The following COQ9 variants were observed in gnomAD, a reference collection of about 807,000 sequenced individuals.
The protein encoded by COQ9 is coenzyme Q9, also known as ubiquinone biosynthesis protein COQ9, mitochondrial.
COQ9 carries 35 observed loss-of-function variants against 42.4 expected under a neutral mutation model. That is an observed-to-expected ratio of 0.83 (90% CI 0.63 to 1.10). COQ9 has a LOEUF of 1.10. Ranked by LOEUF, COQ9 falls within the 50% of genes least tolerant of loss-of-function variation. The pLI, the probability that COQ9 is intolerant of heterozygous loss-of-function variation, is 0.00. For missense variants in COQ9, 406 were observed against 414.6 expected, an observed-to-expected ratio of 0.98 and a Z score of 0.18; for synonymous variants, 155 against 155.1, an observed-to-expected ratio of 1.00 and a Z score of 0.00.
chr16:57,453,710 G>A (rs755837827), intron 3 of COQ9: 12 of 152,734 alleles, frequency 7.9e-5, no homozygotes, highest in East Asian at 1.9e-4. Flanking sequence ...TGAAATGTGG[G>A]TGCTCTGACT....
At chr16:57,458,386 A>G in intron 6 of COQ9, 36 bp downstream of exon 6, 1 of 1,456,244 alleles carries the variant, frequency 6.9e-7, no homozygotes, top group Non-Finnish European at 9.6e-7. Flanking sequence ...GAGGCTGGGA[A>G]AGGCTTGTGT....
At chr16:57,459,156 C>T (rs1382340861) in intron 6 of COQ9, among the ~76,000 whole-genome samples, 1 of 152,212 alleles carries the variant, frequency 6.6e-6, no homozygotes, top group Non-Finnish European at 1.5e-5. Context: ...GAGCCTCTCT[C>T]AGCCCTCACT....
At chr16:57,459,857 C>A in intron 7 of COQ9, 137 bp downstream of exon 7, 1 of 1,131,436 alleles carries the variant, frequency 8.8e-7, no homozygotes, top group Non-Finnish European at 1.3e-6. Flanking sequence ...GGTTCTTCCT[C>A]AGGCCAGCCC....
At chr16:57,450,967 A>G (rs1471145032) in intron 1 of COQ9, 73 bp from the exon 2 acceptor site, 1 of 1,536,102 alleles carries the variant, frequency 6.5e-7, no homozygotes, top group Non-Finnish European at 8.9e-7. Flanking sequence ...CCTCCTCCTT[A>G]TCTGTGTTAC....
At chr16:57,455,000 T>A (rs2030369731) in intron 3 of COQ9, among the ~76,000 whole-genome samples, 1 of 152,132 alleles carries the variant, frequency 6.6e-6, no homozygotes, top group Admixed American at 6.5e-5. Context: ...AAATGCTCAT[T>A]TTGGCTGCCA....
chr16:57,454,036 T>C (rs1428730429), intron 3 of COQ9: 2 of 152,198 alleles, frequency 1.3e-5, no homozygotes, highest in African/African-American at 4.8e-5. Context: ...GTAAGTGCTA[T>C]CAAGGAAAGG....
In COQ9 at chr16:57,461,172, G is replaced by T. The variant is rs780726490; in HGVS notation, c.*548G>T. ...TGAGACAAGTGCCTGCTGGACAGAG[G>T]TGTGATTCCAGGCCTGGTGTCACAT... On this transcript the variant is annotated 3_prime_UTR_variant, in exon 9 of 9. Coordinates refer to ENST00000262507, the MANE Select transcript of COQ9 (RefSeq NM_020312.4). 6 of 455,766 alleles carry T rather than the reference G, an allele frequency of 1.3e-5. No homozygotes were observed. The highest frequency in any genetic ancestry group is 8.0e-5 in the African/African-American group (4 of 50,068). 28.2% of individuals were successfully genotyped at this position (455,766 alleles called of 1,614,324 possible). A position where few individuals can be genotyped will look rare whatever the true frequency, so the allele number is the denominator to read the frequency against.
At chr16:57,457,086 CAGA>C (rs1241759995) in intron 5 of COQ9, 71 bp downstream of exon 5, 20 of 1,185,756 alleles carry the variant, frequency 1.7e-5, no homozygotes, top group Non-Finnish European at 2.5e-5. Flanking sequence ...ACCTTTCACT[CAGA>C]TGACTTTGTA....
intron 3 of COQ9, among the ~76,000 whole-genome samples, chr16:57,455,885 C>T (rs1287151458): frequency 1.3e-5 from 2 of 151,888 alleles, no homozygotes; most frequent in African/African-American, 4.8e-5. Context: ...TGAGGCCAAC[C>T]TGGGCAATAT....
chr16:57,459,791 C>A (rs2030489544), intron 7 of COQ9, 71 bp downstream of exon 7: 1 of 1,573,708 alleles, frequency 6.4e-7, no homozygotes, highest in South Asian at 1.1e-5. Context: ...CACAGCTGGT[C>A]TTGCTCCCTT....
chr16:57,459,058 G>A (rs1567580702), intron 6 of COQ9, among the ~76,000 whole-genome samples: 1 of 152,208 alleles, frequency 6.6e-6, no homozygotes, highest in African/African-American at 2.4e-5. Flanking sequence ...AGCTGAGCTG[G>A]TCCTCTGAAG....
chr16:57,458,347 T>C lies in COQ9; in HGVS notation c.708T>C (p.Thr236=). 1.9e-6 allele frequency: 3 copies of C among 1,606,114 alleles called. No individual in the cohort carries two copies. Among genetic ancestry groups the C allele is most frequent in the Non-Finnish European group, 2.6e-6 (3 of 1,173,942 alleles). ...GGCATTACGCTGGGGACCAGTCCAC[T>C]GATGTGAGTGCTTTCTGCAGGCCCA... ...DMWHYAGDQS[T]DFNWYTRRAM... Residue 236 remains threonine, a synonymous_variant, in exon 6 of 9, where the codon ACT becomes ACC. Transcript: ENST00000262507.
chr16:57,455,397 T>TTATATATATATA lies in COQ9; in HGVS notation c.379-1098_379-1087dup, dbSNP rs147294926. On this transcript the variant is annotated intron_variant, in intron 3 of 8. Coordinates refer to ENST00000262507, the MANE Select transcript of COQ9 (RefSeq NM_020312.4). ...TACAGTATATATATGCACGCTGATT[T>TTATATATATATA]TATATATATATATATATATAAAATA... 1.5e-4 allele frequency among the ~76,000 whole-genome samples: 21 copies of TTATATATATATA among 142,862 alleles called. No homozygotes were observed. In the East Asian group the frequency reaches 2.4e-3, roughly 16 times the overall value. The allele number at this position is 142,862 out of a possible 152,430, so 93.7% of individuals were successfully genotyped here.
chr16:57,460,010 G>A (rs776442425), intron 7 of COQ9, 41 bp from the exon 8 acceptor site: 1 of 1,600,844 alleles, frequency 6.2e-7, no homozygotes, highest in Non-Finnish European at 8.6e-7. Flanking sequence ...GTTTAACTTT[G>A]TGTTGGTGGC....
chr16:57,453,084 G>A (rs1161750159), intron 3 of COQ9, 148 bp downstream of exon 3: 6 of 997,712 alleles, frequency 6.0e-6, no homozygotes, highest in Non-Finnish European at 9.2e-6. Flanking sequence ...CCCCAATAGG[G>A]TGGAACTGGC....
At chr16:57,459,418 T>G (rs1342008728) in intron 6 of COQ9, 147 bp from the exon 7 acceptor site, 1 of 777,714 alleles carries the variant, frequency 1.3e-6, no homozygotes, top group Non-Finnish European at 2.2e-6. Flanking sequence ...TCAGTCAAGT[T>G]TGAGATGGTA....
chr16:57,449,989 A>C (rs1275910684), intron 1 of COQ9, among the ~76,000 whole-genome samples: 2 of 152,250 alleles, frequency 1.3e-5, no homozygotes, highest in African/African-American at 2.4e-5. Flanking sequence ...TTTAGAGGTG[A>C]ATAATACTGA....
intron 2 of COQ9, among the ~76,000 whole-genome samples, 199 bp from the exon 3 acceptor site, chr16:57,452,602 A>G (rs1397640964): frequency 6.6e-6 from 1 of 152,182 alleles, no homozygotes; most frequent in Non-Finnish European, 1.5e-5. Context: ...AGATCACGCC[A>G]CTGGACTCCA....
intron 3 of COQ9, among the ~76,000 whole-genome samples, chr16:57,455,022 G>T (rs78590197): frequency 0.017 from 2,623 of 152,276 alleles, 85 homozygotes; most frequent in African/African-American, 0.06. Flanking sequence ...ATGAAAAGTG[G>T]ATTGGAGGCA....
Sources: gnomAD v4.1 joint callset for allele counts (sites outside exome capture counted in the v4.1 genomes callset) on GRCh38, gnomAD v4.1.1 for gene constraint, MANE v1.5 for transcripts, NCBI Gene and HGNC (gene_info 2026-07-23, HGNC 2026-07-21) for gene names.